Variants in RCAN2 observed in about 807,000 individuals in gnomAD.
RCAN2 encodes the protein calcipressin-2.
Under a neutral mutation model 23.6 loss-of-function variants are expected in RCAN2, and 9 were observed. The ratio of observed to expected loss-of-function variants is 0.38; its 90% CI spans 0.23 to 0.67. The LOEUF (loss-of-function observed/expected upper bound fraction) is 0.67, where lower values mean the gene tolerates loss of function less well. RCAN2 is among the 30% of genes least tolerant of loss of function. RCAN2 has a pLI of 0.51. For missense variants in RCAN2, 273 were observed against 302.3 expected, an observed-to-expected ratio of 0.90 and a Z score of 0.72; for synonymous variants, 109 against 115.7, an observed-to-expected ratio of 0.94 and a Z score of 0.37.
At chr6:46,274,080 T>C (rs1767609811) in intron 2 of RCAN2, among the ~76,000 whole-genome samples, 1 of 152,232 alleles carries the variant, frequency 6.6e-6, no homozygotes, top group Non-Finnish European at 1.5e-5. Flanking sequence ...ATTTTATCTT[T>C]TACTTTCCAG....
intron 2 of RCAN2, among the ~76,000 whole-genome samples, chr6:46,334,188 C>T (rs184792178): frequency 3.9e-5 from 6 of 152,310 alleles, no homozygotes; most frequent in African/African-American, 1.2e-4. Context: ...ATCTCCTTAG[C>T]CTGCATTATT....
At chr6:46,389,030 T>A (rs1048526072) in intron 2 of RCAN2, among the ~76,000 whole-genome samples, 1 of 152,180 alleles carries the variant, frequency 6.6e-6, no homozygotes, top group Non-Finnish European at 1.5e-5. Context: ...AAGTTTTCTA[T>A]ATATCATGAG....
chr6:46,442,450 C>T (rs931960935), intron 2 of RCAN2, among the ~76,000 whole-genome samples: 7 of 152,170 alleles, frequency 4.6e-5, no homozygotes, highest in African/African-American at 1.7e-4. Context: ...GAGGGCAAGA[C>T]ATTATTTTTA....
chr6:46,465,999 C>G, intron 1 of RCAN2, among the ~76,000 whole-genome samples: 1 of 152,004 alleles, frequency 6.6e-6, no homozygotes, highest in East Asian at 1.9e-4. Context: ...TTCTTAGAAA[C>G]AAAAAAGTGA....
At chr6:46,240,055 G>C (rs1766249316) in intron 4 of RCAN2, among the ~76,000 whole-genome samples, 1 of 152,142 alleles carries the variant, frequency 6.6e-6, no homozygotes, top group African/African-American at 2.4e-5. Flanking sequence ...GGGGTGAGAG[G>C]AAAGTGGCGG....
At chr6:46,409,767 T>C (rs1490860143) in intron 2 of RCAN2, among the ~76,000 whole-genome samples, 1 of 152,226 alleles carries the variant, frequency 6.6e-6, no homozygotes, top group Non-Finnish European at 1.5e-5. Context: ...AGTTTTGATA[T>C]ATGAGTTTGA....
chr6:46,457,887 A>C (rs534263399), intron 1 of RCAN2, among the ~76,000 whole-genome samples: 1 of 152,232 alleles, frequency 6.6e-6, no homozygotes, highest in Non-Finnish European at 1.5e-5. Context: ...CAGTTTGCCT[A>C]ACTGCAGAGT....
rs1166873309 is a variant in RCAN2, at chr6:46,263,521, A to ATG, written c.226-14627_226-14626dup. Among the ~76,000 whole-genome samples the ATG allele has an allele frequency of 6.5e-3, 678 of 104,958 alleles. 6 individuals are homozygous for ATG. The highest frequency in any genetic ancestry group is 0.018 in the African/African-American group (341 of 19,226). The allele number at this position is 104,958 out of a possible 152,430, so 68.9% of individuals were successfully genotyped here. A position where few individuals can be genotyped will look rare whatever the true frequency, so the allele number is the denominator to read the frequency against. On this transcript the variant is annotated intron_variant, in intron 2 of 4. Coordinates refer to ENST00000371374, the MANE Select transcript of RCAN2 (RefSeq NM_001251974.2). ...TGTGTGTATGTGTGTGTATGTGTGT[A>ATG]TGTGTGTGTGTGTGTGTATGTGTGT...
intron 4 of RCAN2, among the ~76,000 whole-genome samples, chr6:46,233,164 A>ATTGT (rs1335595903): frequency 6.6e-6 from 1 of 152,156 alleles, no homozygotes; most frequent in Non-Finnish European, 1.5e-5. Flanking sequence ...TGGTGTTCTC[A>ATTGT]TTGTTGTTCA....
At chr6:46,345,362 G>A (rs1437735897) in intron 2 of RCAN2, among the ~76,000 whole-genome samples, 3 of 152,022 alleles carry the variant, frequency 2.0e-5, no homozygotes, top group Non-Finnish European at 4.4e-5. Flanking sequence ...CAGAAAAGAT[G>A]AAGATTTGAA....
chr6:46,263,062 T>C (rs752394900), intron 2 of RCAN2, among the ~76,000 whole-genome samples: 10 of 152,228 alleles, frequency 6.6e-5, no homozygotes, highest in Non-Finnish European at 1.2e-4. Flanking sequence ...GGTGTCATTT[T>C]TGTGTTTTGC....
chr6:46,408,218 G>A (rs543062074), intron 2 of RCAN2, among the ~76,000 whole-genome samples: 62 of 152,228 alleles, frequency 4.1e-4, no homozygotes, highest in Non-Finnish European at 8.5e-4. Context: ...GGGCGGCTCC[G>A]ACTGTTCAGC....
chr6:46,282,695 T>C (rs1163400786), intron 2 of RCAN2, among the ~76,000 whole-genome samples: 1 of 152,216 alleles, frequency 6.6e-6, no homozygotes, highest in Non-Finnish European at 1.5e-5. Context: ...GATTCAATGA[T>C]GGCCCCATAA....
chr6:46,387,316 A>G (rs1451407897), intron 2 of RCAN2, among the ~76,000 whole-genome samples: 2 of 152,236 alleles, frequency 1.3e-5, no homozygotes, highest in African/African-American at 4.8e-5. Flanking sequence ...TGAACGGGCA[A>G]CCTACAGAAT....
intron 2 of RCAN2, among the ~76,000 whole-genome samples, chr6:46,338,949 A>AGGTTGC (rs57321348): frequency 0.41 from 57,879 of 141,508 alleles, 13,689 homozygotes; most frequent in East Asian, 0.61. Context: ...CAGGAGGTGG[A>AGGTTGC]GGTTGCAGTG....
chr6:46,328,271 A>G (rs1273810009), intron 2 of RCAN2, among the ~76,000 whole-genome samples: 2 of 152,172 alleles, frequency 1.3e-5, no homozygotes, highest in Non-Finnish European at 2.9e-5. Flanking sequence ...CTCTTTTAAA[A>G]TATCTTTTCA....
At chr6:46,408,758 G>A (rs1307040962) in intron 2 of RCAN2, among the ~76,000 whole-genome samples, 1 of 152,108 alleles carries the variant, frequency 6.6e-6, no homozygotes, top group Non-Finnish European at 1.5e-5. Flanking sequence ...TAGAGGCTTG[G>A]CAAGGAAACA....
intron 4 of RCAN2, among the ~76,000 whole-genome samples, chr6:46,246,481 T>C (rs1279796135): frequency 6.6e-6 from 1 of 152,190 alleles, no homozygotes; most frequent in Non-Finnish European, 1.5e-5. Flanking sequence ...GGTAGTGCTG[T>C]TGGATCTTAA....
At chr6:46,490,788 A>G (rs1769118272) in intron 1 of RCAN2, among the ~76,000 whole-genome samples, 1 of 151,858 alleles carries the variant, frequency 6.6e-6, no homozygotes, top group African/African-American at 2.4e-5. Flanking sequence ...ACCCTCTCTA[A>G]GCCTCAGTCC....
Sources: allele counts gnomAD v4.1 joint callset (sites outside exome capture counted in the v4.1 genomes callset), GRCh38; gene constraint gnomAD v4.1.1; transcripts MANE v1.5; gene names NCBI Gene and HGNC (gene_info 2026-07-23, HGNC 2026-07-21).